CPEB3: variants seen among roughly 807,000 people sequenced by gnomAD.
CPEB3 encodes cytoplasmic polyadenylation element-binding protein 3.
CPEB3 carries 20 observed loss-of-function variants against 67.2 expected under a neutral mutation model. The ratio of observed to expected loss-of-function variants is 0.30; its 90% CI spans 0.21 to 0.43. The LOEUF (loss-of-function observed/expected upper bound fraction) is 0.43, where lower values mean the gene tolerates loss of function less well. CPEB3 is among the 20% of genes least tolerant of loss of function. The probability of loss-of-function intolerance (pLI) is 1.00; values close to 1 mark genes in which losing one functional copy is unlikely to be tolerated. For synonymous variants in CPEB3, 376 were observed against 393.1 expected (o/e 0.96, Z 0.51); for missense variants, 746 against 968.6 (o/e 0.77, Z 3.05).
chr10:92,172,674 CT>C (rs1438682361), intron 4 of CPEB3, among the ~76,000 whole-genome samples: 5 of 152,180 alleles, frequency 3.3e-5, no homozygotes, highest in Non-Finnish European at 7.3e-5. Context: ...TATGTACCCC[CT>C]GAACCTAAAA....
At position 92,048,340 on chromosome 10, in the gene CPEB3, G is replaced by T. The variant is rs958839946; in HGVS notation, c.*3872C>A. 1 of 150,250 alleles carries T rather than the reference G, an allele frequency of 6.7e-6. No homozygotes were observed. Among genetic ancestry groups the T allele is most frequent in the Non-Finnish European group, 1.5e-5 (1 of 68,688 alleles). The allele number at this position is 150,250 out of a possible 1,614,324, so 9.3% of individuals were successfully genotyped here. On this transcript the variant is annotated 3_prime_UTR_variant, in exon 10 of 10. Transcript: ENST00000265997. This position sits in a 1 kb window ranked among gnomAD's most constrained non-coding sequence, Gnocchi z 4.1. ...GGGAGAAAGGCACTGTCTCACACAA[G>T]GACAGCAGTTGGTGGCAGTTTTTCT... is the stretch of plus-strand genomic sequence containing the variant.
intron 1 of CPEB3, among the ~76,000 whole-genome samples, chr10:92,240,658 G>A (rs144624074): frequency 5.0e-4 from 76 of 152,152 alleles, no homozygotes; most frequent in African/African-American, 1.8e-3. Context: ...CAGCAATTTC[G>A]CCACGTCTCT....
chr10:92,235,950 A>G (rs540094879), intron 2 of CPEB3, among the ~76,000 whole-genome samples: 89 of 152,344 alleles, frequency 5.8e-4, no homozygotes, highest in African/African-American at 1.9e-3. Context: ...AAATTGATGC[A>G]TAAGTAATTT....
At chr10:92,275,845 CTTTTTT>C (rs909549413) in intron 1 of CPEB3, among the ~76,000 whole-genome samples, 3 of 92,968 alleles carry the variant, frequency 3.2e-5, no homozygotes, top group Admixed American at 1.2e-4. Context: ...TCATTCTTTT[CTTTTTT>C]TTTTTTTTTT....
intron 6 of CPEB3, among the ~76,000 whole-genome samples, chr10:92,120,181 G>A (rs1259963740): frequency 6.7e-6 from 1 of 150,324 alleles, no homozygotes. Flanking sequence ...TGAGGCCGAG[G>A]AGGGCAGATC....
chr10:92,152,878 A>G (rs1847028093), intron 4 of CPEB3, among the ~76,000 whole-genome samples: 2 of 152,290 alleles, frequency 1.3e-5, no homozygotes, highest in South Asian at 4.1e-4. Flanking sequence ...GTCAGAGACC[A>G]CATCTGGAGT....
chr10:92,178,069 G>A (rs983771797), intron 4 of CPEB3, among the ~76,000 whole-genome samples: 63 of 151,842 alleles, frequency 4.1e-4, no homozygotes, highest in African/African-American at 1.4e-3. Flanking sequence ...CTTCTTTTCC[G>A]AAAATACAGC....
At chr10:92,203,995 TCTC>T (rs1447063709) in intron 2 of CPEB3, among the ~76,000 whole-genome samples, 1 of 152,166 alleles carries the variant, frequency 6.6e-6, no homozygotes, top group Non-Finnish European at 1.5e-5. Context: ...AACAGCATCT[TCTC>T]CTGTCTCCCA....
intron 1 of CPEB3, among the ~76,000 whole-genome samples, chr10:92,241,507 ACC>A (rs1851852334): frequency 6.6e-6 from 1 of 152,212 alleles, no homozygotes; most frequent in South Asian, 2.1e-4. Context: ...ACCCTGAATT[ACC>A]ATATGCTAGC....
chr10:92,239,569 C>T lies in CPEB3; in HGVS notation c.782G>A (p.Gly261Asp), dbSNP rs1851715308. Reference protein sequence around the residue: ...AWSAPSNPWGGLQAGRDPRRA... With the variant: ...AWSAPSNPWGDLQAGRDPRRA... ...GCGAGGGTCCCGGCCCGCCTGCAGGCCGCCCCAGGGGTTGGACGGTGCGCT... is the reference window on the plus strand; with the variant it reads ...GCGAGGGTCCCGGCCCGCCTGCAGGTCGCCCCAGGGGTTGGACGGTGCGCT... Residue 261 changes from glycine to aspartate, a missense_variant, in exon 2 of 10, where the codon GGC becomes GAC. Around this residue, in one of 2 missense-constraint regions of CPEB3, gnomAD observed 643 missense variants for 717.5 expected, o/e 0.90. Transcript: ENST00000265997. The surrounding 1 kb of genome is among the most constrained non-coding windows in gnomAD (Gnocchi z 6.0). The T allele has an allele frequency of 1.6e-5, 25 of 1,555,166 alleles. No homozygotes were observed. Among genetic ancestry groups the T allele is most frequent in the Non-Finnish European group, 2.2e-5 (25 of 1,148,912 alleles).
At chr10:92,156,979 C>G (rs183003327) in intron 4 of CPEB3, among the ~76,000 whole-genome samples, 2 of 152,094 alleles carry the variant, frequency 1.3e-5, no homozygotes, top group Non-Finnish European at 2.9e-5. Context: ...GCATCATTAT[C>G]TTCTCTTCAT....
intron 3 of CPEB3, among the ~76,000 whole-genome samples, chr10:92,186,944 G>A (rs1848723136): frequency 2.0e-5 from 3 of 152,064 alleles, no homozygotes; most frequent in Admixed American, 2.0e-4. Context: ...ACAGATATGG[G>A]CTATCAAGGG....
chr10:92,221,073 T>A (rs912849135), intron 2 of CPEB3, among the ~76,000 whole-genome samples: 6 of 152,156 alleles, frequency 3.9e-5, no homozygotes, highest in Admixed American at 2.0e-4. Flanking sequence ...ACCAAATAAG[T>A]GAATGCAGAG....
chr10:92,060,671 A>C (rs1300616463), intron 9 of CPEB3, among the ~76,000 whole-genome samples: 2 of 152,224 alleles, frequency 1.3e-5, no homozygotes, highest in Admixed American at 6.5e-5. Context: ...CTATAGGAAA[A>C]AAATCTAATA....
intron 1 of CPEB3, among the ~76,000 whole-genome samples, chr10:92,250,755 T>C (rs1002442034): frequency 6.6e-6 from 1 of 151,964 alleles, no homozygotes; most frequent in Admixed American, 6.6e-5. Flanking sequence ...AGTGGCATAA[T>C]TGCGGCTCAC....
chr10:92,136,271 G>C (rs1846092134), intron 6 of CPEB3, among the ~76,000 whole-genome samples: 1 of 152,090 alleles, frequency 6.6e-6, no homozygotes, highest in African/African-American at 2.4e-5. Context: ...CAAGACATTG[G>C]TCTGGGCACA....
At chr10:92,225,855 T>A (rs1850944876) in intron 2 of CPEB3, among the ~76,000 whole-genome samples, 1 of 152,174 alleles carries the variant, frequency 6.6e-6, no homozygotes, top group Non-Finnish European at 1.5e-5. Context: ...TCCCAGCACT[T>A]TGGGAGGCCG....
intron 1 of CPEB3, among the ~76,000 whole-genome samples, chr10:92,285,757 C>A (rs1277572714): frequency 2.6e-5 from 4 of 152,148 alleles, no homozygotes; most frequent in African/African-American, 9.7e-5. Flanking sequence ...ATTAATTACT[C>A]CTCTTGCTAC....
chr10:92,054,473 G>A (rs1260320727), intron 9 of CPEB3, among the ~76,000 whole-genome samples: 1 of 151,704 alleles, frequency 6.6e-6, no homozygotes, highest in East Asian at 1.9e-4. Context: ...GCCCAGGCTG[G>A]AGTGCAATGG....
Sources: gnomAD v4.1 joint callset for allele counts (sites outside exome capture counted in the v4.1 genomes callset) on GRCh38, gnomAD v4.1.1 for gene constraint, gnomAD v4.1.1 regional missense constraint, Gnocchi (gnomAD v3.1) non-coding constraint, MANE v1.5 for transcripts, NCBI Gene and HGNC (gene_info 2026-07-23, HGNC 2026-07-21) for gene names.